Variants in PLXDC2 observed in about 807,000 individuals in gnomAD.
PLXDC2 encodes the protein plexin domain containing 2.
Under a neutral mutation model 68.9 loss-of-function variants are expected in PLXDC2, and 40 were observed. The observed-to-expected ratio is 0.58, with a 90% CI of 0.45 to 0.76. The LOEUF is 0.76. Ranked by LOEUF, PLXDC2 falls within the 30% of genes least tolerant of loss-of-function variation. The pLI is 0.00. For missense variants in PLXDC2, 644 were observed against 661.9 expected (o/e 0.97, Z 0.30); for synonymous variants, 243 against 234.2 (o/e 1.04, Z -0.34).
intron 4 of PLXDC2, among the ~76,000 whole-genome samples, chr10:20,100,442 A>AG (rs1833407886): frequency 6.6e-6 from 1 of 151,652 alleles, no homozygotes; most frequent in South Asian, 2.1e-4. Context: ...GATGTCAGTG[A>AG]TTTTTTTTTC....
At chr10:19,881,257 A>G (rs911993851) in intron 1 of PLXDC2, among the ~76,000 whole-genome samples, 8 of 152,120 alleles carry the variant, frequency 5.3e-5, no homozygotes, top group African/African-American at 1.9e-4. Context: ...CTGGGATTAC[A>G]GACATGTGCC....
intron 9 of PLXDC2, among the ~76,000 whole-genome samples, chr10:20,192,990 G>A (rs1248005213): frequency 2.0e-5 from 3 of 152,000 alleles, no homozygotes; most frequent in Non-Finnish European, 4.4e-5. Context: ...GTCCCATTTA[G>A]TCAGTGAGTG....
chr10:20,146,839 A>G (rs1051133235), intron 5 of PLXDC2, among the ~76,000 whole-genome samples: 1 of 152,082 alleles, frequency 6.6e-6, no homozygotes, highest in Non-Finnish European at 1.5e-5. Context: ...CTTCCATGCA[A>G]TTGTAATTTT....
chr10:20,246,903 G>C (rs565321445), intron 13 of PLXDC2, among the ~76,000 whole-genome samples: 1 of 152,146 alleles, frequency 6.6e-6, no homozygotes, highest in Admixed American at 6.5e-5. Flanking sequence ...CTTATAATGG[G>C]GAGGGGTGAA....
chr10:20,112,811 C>T (rs1288892944), intron 4 of PLXDC2, among the ~76,000 whole-genome samples: 1 of 152,158 alleles, frequency 6.6e-6, no homozygotes, highest in Non-Finnish European at 1.5e-5. Flanking sequence ...TTATACAATA[C>T]TTGTGAAGTA....
chr10:19,943,077 C>T lies in PLXDC2; in HGVS notation c.113-58698C>T, dbSNP rs568913944. 3.3e-5 allele frequency among the ~76,000 whole-genome samples: 5 copies of T among 152,268 alleles called. No homozygotes were observed. In the East Asian group the frequency reaches 9.7e-4, roughly 29 times the overall value. On this transcript the variant is annotated intron_variant, in intron 1 of 13. Transcript: ENST00000377252. ...TTAGAGAAGTTATAATAATTTTGTT[C>T]AGCTTCCTCTCCATCCTTATACACT... is the stretch of plus-strand genomic sequence containing the variant.
chr10:20,154,572 A>AG (rs1173369379), intron 6 of PLXDC2, among the ~76,000 whole-genome samples: 1 of 151,826 alleles, frequency 6.6e-6, no homozygotes, highest in Non-Finnish European at 1.5e-5. Flanking sequence ...TCAAAAAAAA[A>AG]AAAAAATGTA....
intron 1 of PLXDC2, among the ~76,000 whole-genome samples, chr10:19,944,419 A>G (rs950893077): frequency 6.6e-5 from 10 of 152,204 alleles, no homozygotes; most frequent in African/African-American, 2.4e-4. Flanking sequence ...TTCAAAAAAA[A>G]AAAAAGATGT....
intron 1 of PLXDC2, among the ~76,000 whole-genome samples, chr10:19,994,312 ATTTTTTTTT>A (rs869124443): frequency 1.5e-4 from 5 of 34,328 alleles, no homozygotes; most frequent in Non-Finnish European, 2.0e-4. Context: ...ACATGATTAA[ATTTTTTTTT>A]TTTTTTTTTT....
intron 1 of PLXDC2, among the ~76,000 whole-genome samples, chr10:19,887,867 A>G (rs550000788): frequency 1.3e-5 from 2 of 152,368 alleles, no homozygotes; most frequent in East Asian, 3.9e-4. Context: ...ATAATTACAT[A>G]GACAACTGTA....
intron 2 of PLXDC2, among the ~76,000 whole-genome samples, chr10:20,044,207 C>CTCTCTTTCTTTCTTTCTT (rs1564293827): frequency 1.1e-5 from 1 of 89,958 alleles, no homozygotes; most frequent in Non-Finnish European, 2.2e-5. Context: ...CTCTCTCTCT[C>CTCTCTTTCTTTCTTTCTT]TCTGTCTTTC....
chr10:20,159,057 G>A (rs1834256111), intron 6 of PLXDC2, among the ~76,000 whole-genome samples: 1 of 152,076 alleles, frequency 6.6e-6, no homozygotes, highest in South Asian at 2.1e-4. Flanking sequence ...GAAATCCTGG[G>A]CTCTTACTCA....
intron 1 of PLXDC2, among the ~76,000 whole-genome samples, chr10:19,991,714 A>G (rs1184577269): frequency 6.6e-6 from 1 of 152,200 alleles, no homozygotes; most frequent in Admixed American, 6.5e-5. Flanking sequence ...GATTGAGTCT[A>G]TCAGAGTCTA....
rs77068108 is a variant in PLXDC2, at chr10:19,954,547, A to G, written c.113-47228A>G. Among the ~76,000 whole-genome samples, 312 of 152,338 alleles carry G rather than the reference A, an allele frequency of 2.0e-3. 9 individuals are homozygous for G. The East Asian group carries it at 0.04, about 19-fold the overall frequency. ...ATAGGACTTAGAACAAAAACATGGC[A>G]TGAGCGTTAATTTTGTTTTCACAAT... On this transcript the variant is annotated intron_variant, in intron 1 of 13. Coordinates refer to ENST00000377252, the MANE Select transcript of PLXDC2 (RefSeq NM_032812.9).
At chr10:20,002,873 T>TG (rs1307469417) in intron 2 of PLXDC2, among the ~76,000 whole-genome samples, 1 of 152,180 alleles carries the variant, frequency 6.6e-6, no homozygotes, top group Non-Finnish European at 1.5e-5. Context: ...GGGTGACCAC[T>TG]GGTTCCAGTG....
At chr10:20,059,045 G>C (rs1287109684) in intron 3 of PLXDC2, among the ~76,000 whole-genome samples, 3 of 152,178 alleles carry the variant, frequency 2.0e-5, no homozygotes, top group African/African-American at 7.2e-5. Context: ...GAGCTTGCTA[G>C]AAATGCAGGA....
intron 1 of PLXDC2, among the ~76,000 whole-genome samples, chr10:19,878,547 G>C (rs1179096306): frequency 6.6e-6 from 1 of 152,058 alleles, no homozygotes. Context: ...AAAGTCTTTG[G>C]ATAACTATAG....
intron 9 of PLXDC2, among the ~76,000 whole-genome samples, chr10:20,188,990 C>A (rs1030051578): frequency 1.4e-5 from 2 of 147,050 alleles, no homozygotes; most frequent in African/African-American, 2.5e-5. Context: ...TATTTTAGTA[C>A]AAGACCTTTT....
intron 13 of PLXDC2, among the ~76,000 whole-genome samples, chr10:20,253,757 C>T (rs535641450): frequency 1.6e-4 from 24 of 152,036 alleles, no homozygotes; most frequent in Non-Finnish European, 8.8e-5. Context: ...ATATGAGTTT[C>T]GTATTATTCT....
Sources: gnomAD v4.1 joint callset for allele counts (sites outside exome capture counted in the v4.1 genomes callset) on GRCh38, gnomAD v4.1.1 for gene constraint, MANE v1.5 for transcripts, NCBI Gene and HGNC (gene_info 2026-07-23, HGNC 2026-07-21) for gene names.